The following ESRRG variants were observed in gnomAD, a reference collection of about 807,000 sequenced individuals.
ESRRG encodes estrogen related receptor gamma, also known as estrogen-related receptor gamma.
Under a neutral mutation model 44.0 loss-of-function variants are expected in ESRRG, and 13 were observed. That is an observed-to-expected ratio of 0.30 (90% CI 0.19 to 0.47). The LOEUF (loss-of-function observed/expected upper bound fraction) is 0.47. Among genes scored for constraint, ESRRG ranks in the 20% least tolerant of loss-of-function variants. The pLI is 1.00. For synonymous variants in ESRRG, 215 were observed against 214.6 expected (o/e 1.00, Z -0.02); for missense variants, 395 against 580.6 (o/e 0.68, Z 3.29).
intron 1 of ESRRG, among the ~76,000 whole-genome samples, chr1:216,988,056 C>T (rs1273817553): frequency 2.6e-5 from 4 of 152,068 alleles, no homozygotes; most frequent in Non-Finnish European, 5.9e-5. Flanking sequence ...TGATCACCTC[C>T]CAGATAAACT....
chr1:216,515,507 A>T (rs1219762133), intron 6 of ESRRG, among the ~76,000 whole-genome samples: 1 of 152,160 alleles, frequency 6.6e-6, no homozygotes, highest in African/African-American at 2.4e-5. Context: ...ACAACTCTGC[A>T]TACATAACCA....
chr1:216,560,501 C>T (rs7533007), intron 5 of ESRRG, among the ~76,000 whole-genome samples: 125,060 of 152,190 alleles, frequency 0.82, 51,696 homozygotes, highest in African/African-American at 0.86. Context: ...GGTCAGCTAA[C>T]ATGGGTTATG....
At position 216,973,920 on chromosome 1, in the gene ESRRG, ATAAGCG is replaced by A. The variant is rs371492330; in HGVS notation, c.-105-34253_-105-34248del. On this transcript the variant is annotated intron_variant, in intron 1 of 7. Transcript: ENST00000359162. Reference sequence around the variant, plus strand: ...CAGCATTCTTGATTCTTAAAAACCCATAAGCGTATCCCTGGTTTTTAACAAACTATA... The same window carrying A: ...CAGCATTCTTGATTCTTAAAAACCCATATCCCTGGTTTTTAACAAACTATA... 4.3e-3 allele frequency among the ~76,000 whole-genome samples: 662 copies of A among 152,206 alleles called. 3 individuals carry two copies. Among genetic ancestry groups the A allele is most frequent in the African/African-American group, 0.015 (620 of 41,532 alleles).
chr1:217,074,490 T>A (rs6694237), intron 1 of ESRRG, among the ~76,000 whole-genome samples: 49,643 of 150,372 alleles, frequency 0.33, 8,713 homozygotes, highest in East Asian at 0.67. Flanking sequence ...CTAAGTAATT[T>A]GTATGAAAAT....
chr1:216,557,935 G>C (rs1323311893), intron 5 of ESRRG, among the ~76,000 whole-genome samples: 1 of 152,160 alleles, frequency 6.6e-6, no homozygotes, highest in East Asian at 1.9e-4. Flanking sequence ...GTATATAAGA[G>C]CTGGGTTATG....
intron 3 of ESRRG, among the ~76,000 whole-genome samples, chr1:216,622,486 C>T (rs2062406986): frequency 6.6e-6 from 1 of 152,124 alleles, no homozygotes; most frequent in Non-Finnish European, 1.5e-5. Context: ...AGACTCCATA[C>T]TTGAAATTCC....
At chr1:216,821,301 T>G (rs953888581) in intron 2 of ESRRG, among the ~76,000 whole-genome samples, 2 of 152,132 alleles carry the variant, frequency 1.3e-5, no homozygotes, top group African/African-American at 4.8e-5. Context: ...GATTTTCTAT[T>G]TGCTGGGAAA....
chr1:217,016,496 T>C (rs1252031232), intron 1 of ESRRG, among the ~76,000 whole-genome samples: 1 of 152,188 alleles, frequency 6.6e-6, no homozygotes, highest in African/African-American at 2.4e-5. Context: ...ATTATTGTTT[T>C]CATCTTTCTT....
chr1:216,625,917 C>G (rs887272190), intron 3 of ESRRG, among the ~76,000 whole-genome samples: 2 of 152,164 alleles, frequency 1.3e-5, no homozygotes, highest in Non-Finnish European at 2.9e-5. Flanking sequence ...CTGTCTCTAT[C>G]TTTGTCTCCG....
chr1:216,794,073 T>TAAG (rs1318388749), intron 2 of ESRRG, among the ~76,000 whole-genome samples: 1 of 151,996 alleles, frequency 6.6e-6, no homozygotes, highest in Non-Finnish European at 1.5e-5. Flanking sequence ...CTCCTACCAT[T>TAAG]AAGAGTTCAA....
intron 3 of ESRRG, among the ~76,000 whole-genome samples, chr1:216,603,972 A>C: frequency 6.6e-6 from 1 of 151,736 alleles, no homozygotes. Flanking sequence ...AGGAAAGAAA[A>C]ATTGTTTAAC....
At chr1:216,578,421 A>G (rs1401316113) in intron 3 of ESRRG, among the ~76,000 whole-genome samples, 1 of 152,096 alleles carries the variant, frequency 6.6e-6, no homozygotes, top group African/African-American at 2.4e-5. Flanking sequence ...AAACTAAGCA[A>G]GCTGGTCTTC....
chr1:216,962,036 T>G (rs190854006), intron 1 of ESRRG, among the ~76,000 whole-genome samples: 1 of 131,438 alleles, frequency 7.6e-6, no homozygotes, highest in Non-Finnish European at 1.8e-5. Context: ...ACACATGACA[T>G]AATTGTTACA....
intron 5 of ESRRG, among the ~76,000 whole-genome samples, chr1:216,530,590 A>T (rs2049079301): frequency 6.6e-6 from 1 of 152,182 alleles, no homozygotes; most frequent in African/African-American, 2.4e-5. Flanking sequence ...AATGACAGGC[A>T]TTGTGAGAAC....
intron 5 of ESRRG, among the ~76,000 whole-genome samples, chr1:216,554,962 T>C (rs1040430091): frequency 1.3e-5 from 2 of 152,174 alleles, no homozygotes; most frequent in African/African-American, 4.8e-5. Flanking sequence ...ATATCAAAAA[T>C]ATTCCCTGAT....
At chr1:217,096,250 T>C (rs2092421463) in intron 1 of ESRRG, among the ~76,000 whole-genome samples, 1 of 152,180 alleles carries the variant, frequency 6.6e-6, no homozygotes, top group Admixed American at 6.5e-5. Context: ...AGATAGCGCA[T>C]TCACTGCCTG....
chr1:216,854,381 AAAG>A (rs372768075), intron 2 of ESRRG, among the ~76,000 whole-genome samples: 5,223 of 144,500 alleles, frequency 0.036, 102 homozygotes, highest in Middle Eastern at 0.073. Context: ...AAAAAAAAGC[AAAG>A]AAAAAAAAGA....
At chr1:216,865,463 A>G (rs141275137) in intron 2 of ESRRG, among the ~76,000 whole-genome samples, 185 of 152,100 alleles carry the variant, frequency 1.2e-3, no homozygotes, top group African/African-American at 4.3e-3. Flanking sequence ...TAAGAAACAC[A>G]TTTACAAAGT....
intron 1 of ESRRG, among the ~76,000 whole-genome samples, chr1:217,025,667 C>A (rs1441626444): frequency 6.6e-6 from 1 of 152,164 alleles, no homozygotes; most frequent in Non-Finnish European, 1.5e-5. Flanking sequence ...TGGCCAAACC[C>A]TTATGGGTCC....
Sources: gnomAD v4.1 joint callset for allele counts (sites outside exome capture counted in the v4.1 genomes callset) on GRCh38, gnomAD v4.1.1 for gene constraint, MANE v1.5 for transcripts, NCBI Gene and HGNC (gene_info 2026-07-23, HGNC 2026-07-21) for gene names.